HECTD2: variants seen among roughly 807,000 people sequenced by gnomAD.
HECTD2 encodes the protein probable E3 ubiquitin-protein ligase HECTD2.
A neutral mutation model predicts 103.2 loss-of-function variants in HECTD2; 35 were observed. That is an observed-to-expected ratio of 0.34 (90% CI 0.26 to 0.45). HECTD2 has a LOEUF of 0.45. HECTD2 is among the 20% of genes least tolerant of loss of function. The probability of loss-of-function intolerance (pLI) is 1.00; values close to 1 mark genes in which losing one functional copy is unlikely to be tolerated. For synonymous variants in HECTD2, 281 were observed against 329.9 expected, an observed-to-expected ratio of 0.85 and a Z score of 1.61; for missense variants, 596 against 937.4, an observed-to-expected ratio of 0.64 and a Z score of 4.76.
intron 1 of HECTD2, among the ~76,000 whole-genome samples, chr10:91,423,344 A>C (rs931050780): frequency 6.6e-6 from 1 of 152,196 alleles, no homozygotes; most frequent in African/African-American, 2.4e-5. Flanking sequence ...GGAATGTTAT[A>C]ATGTATTAAA....
intron 2 of HECTD2, among the ~76,000 whole-genome samples, chr10:91,444,248 A>G (rs1844495322): frequency 1.3e-5 from 2 of 152,316 alleles, no homozygotes; most frequent in South Asian, 2.1e-4. Context: ...GAGCATATAT[A>G]CACAGTTTTA....
intron 5 of HECTD2, among the ~76,000 whole-genome samples, chr10:91,470,511 CA>C (rs879521793): frequency 5.9e-5 from 9 of 152,142 alleles, no homozygotes; most frequent in Admixed American, 4.6e-4. Context: ...CTAATGAGAA[CA>C]AAGATAAAAC....
chr10:91,513,490 A>C lies in HECTD2; in HGVS notation c.*1106A>C, dbSNP rs1429791299. 6.6e-6 allele frequency: 1 copy of C among 152,616 alleles called. No individual in the cohort carries two copies. Among genetic ancestry groups the C allele is most frequent in the African/African-American group, 2.4e-5 (1 of 41,446 alleles). 9.5% of individuals were successfully genotyped at this position (152,616 alleles called of 1,614,324 possible). ...TTGTTTTTCACTGGATTCTGAATAT[A>C]ATAAATTCAAAGTACCCTTTTTTTA... On this transcript the variant is annotated 3_prime_UTR_variant, in exon 21 of 21. Coordinates refer to ENST00000298068, the MANE Select transcript of HECTD2 (RefSeq NM_182765.6).
chr10:91,503,867 A>C (rs898182759), intron 20 of HECTD2, among the ~76,000 whole-genome samples: 4 of 152,234 alleles, frequency 2.6e-5, no homozygotes, highest in African/African-American at 7.2e-5. Flanking sequence ...CTGCAGACTT[A>C]AATGTCCCTG....
intron 7 of HECTD2, 138 bp downstream of exon 7, chr10:91,481,277 CAGA>C (rs964191935): frequency 7.3e-6 from 3 of 411,108 alleles, no homozygotes; most frequent in Admixed American, 8.8e-5. Flanking sequence ...TACCTGTAAC[CAGA>C]AGATTTTTTT....
At chr10:91,465,365 A>G (rs977729436) in intron 5 of HECTD2, among the ~76,000 whole-genome samples, 77 of 152,264 alleles carry the variant, frequency 5.1e-4, no homozygotes, top group African/African-American at 1.8e-3. Context: ...GTGCACTGAA[A>G]GGGCCTACAG....
At chr10:91,481,939 G>A (rs1443428505) in intron 7 of HECTD2, among the ~76,000 whole-genome samples, 1 of 151,530 alleles carries the variant, frequency 6.6e-6, no homozygotes, top group Non-Finnish European at 1.5e-5. Flanking sequence ...GAGAAAGTGA[G>A]GAAAGAGGAA....
chr10:91,439,253 A>C (rs927383095), intron 2 of HECTD2, among the ~76,000 whole-genome samples: 2 of 152,028 alleles, frequency 1.3e-5, no homozygotes, highest in Non-Finnish European at 2.9e-5. Flanking sequence ...TAATTTTTGT[A>C]TGAGGTGTAA....
chr10:91,488,883 T>TA (rs1251884308), intron 11 of HECTD2: 1 of 152,126 alleles, frequency 6.6e-6, no homozygotes, highest in Non-Finnish European at 1.5e-5. Flanking sequence ...TAAACAGGTA[T>TA]ATTCAGCACC....
At chr10:91,469,865 G>A (rs1046092290) in intron 5 of HECTD2, among the ~76,000 whole-genome samples, 2 of 152,174 alleles carry the variant, frequency 1.3e-5, no homozygotes, top group Non-Finnish European at 2.9e-5. Context: ...TCAAAGTAAA[G>A]CAATGGAGAA....
intron 5 of HECTD2, among the ~76,000 whole-genome samples, chr10:91,472,586 T>C (rs1169150995): frequency 6.6e-6 from 1 of 151,890 alleles, no homozygotes; most frequent in Non-Finnish European, 1.5e-5. Flanking sequence ...CCAGAATCTA[T>C]AAAAAACTGA....
intron 19 of HECTD2, among the ~76,000 whole-genome samples, 153 bp from the exon 20 acceptor site, chr10:91,501,038 C>T (rs985148144): frequency 9.9e-5 from 15 of 152,002 alleles, no homozygotes; most frequent in Non-Finnish European, 2.2e-4. Context: ...AAGTCTAATA[C>T]GTATATAGAA....
At chr10:91,412,919 T>G (rs1022905432) in intron 1 of HECTD2, among the ~76,000 whole-genome samples, 1 of 152,026 alleles carries the variant, frequency 6.6e-6, no homozygotes, top group African/African-American at 2.4e-5. Context: ...ATACAGCTTG[T>G]GGCCTCTTGA....
chr10:91,414,328 G>T (rs1843037183), intron 1 of HECTD2, among the ~76,000 whole-genome samples: 1 of 152,176 alleles, frequency 6.6e-6, no homozygotes, highest in Non-Finnish European at 1.5e-5. Context: ...AGCATAAGGT[G>T]TGTCGAGAGA....
At chr10:91,425,157 A>G (rs1245151073) in intron 1 of HECTD2, 124 bp from the exon 2 acceptor site, 9 of 741,496 alleles carry the variant, frequency 1.2e-5, no homozygotes, top group Non-Finnish European at 1.7e-5. Context: ...AAATTTATAT[A>G]CGTTTTTATC....
At chr10:91,410,110 G>A (rs1842848590), upstream of HECTD2, among the ~76,000 whole-genome samples, 1 of 151,972 alleles carries the variant, frequency 6.6e-6, no homozygotes, top group Admixed American at 6.5e-5. Flanking sequence ...CGACCGTGGC[G>A]CCTTCTCTCC....
At chr10:91,501,900 T>C (rs1429715901) in intron 20 of HECTD2, among the ~76,000 whole-genome samples, 1 of 152,088 alleles carries the variant, frequency 6.6e-6, no homozygotes, top group African/African-American at 2.4e-5. Context: ...AAATAACTTA[T>C]AATTTCTAAA....
chr10:91,500,726 A>T (rs1846867599), intron 19 of HECTD2, 109 bp downstream of exon 19: 2 of 563,652 alleles, frequency 3.5e-6, no homozygotes, highest in African/African-American at 1.9e-5. Context: ...AGTTAGTCAA[A>T]ATATTAGAGA....
chr10:91,505,663 C>A (rs1479445009), intron 20 of HECTD2, among the ~76,000 whole-genome samples: 3 of 150,202 alleles, frequency 2.0e-5, no homozygotes, highest in Non-Finnish European at 4.5e-5. Context: ...GACTCCCACA[C>A]ATTAATAATG....
Sources: allele counts gnomAD v4.1 joint callset (sites outside exome capture counted in the v4.1 genomes callset), GRCh38; gene constraint gnomAD v4.1.1; transcripts MANE v1.5; gene names NCBI Gene and HGNC (gene_info 2026-07-23, HGNC 2026-07-21).